TOR1AIP2: variants seen among roughly 807,000 people sequenced by gnomAD.
TOR1AIP2 encodes torsin-1A-interacting protein 2.
Under a neutral mutation model 32.6 loss-of-function variants are expected in TOR1AIP2, and 20 were observed. The ratio of observed to expected loss-of-function variants is 0.61; its 90% CI spans 0.43 to 0.89. TOR1AIP2 has a LOEUF of 0.89. TOR1AIP2 is among the 40% of genes least tolerant of loss of function. The pLI is 0.00. For missense variants in TOR1AIP2, 456 were observed against 553.8 expected, an observed-to-expected ratio of 0.82 and a Z score of 1.77; for synonymous variants, 214 against 210.8, an observed-to-expected ratio of 1.02 and a Z score of -0.13.
intron 2 of TOR1AIP2, among the ~76,000 whole-genome samples, chr1:179,872,631 G>A (rs1571703734): frequency 6.6e-6 from 1 of 152,280 alleles, no homozygotes; most frequent in South Asian, 2.1e-4. Flanking sequence ...AATGCCTGGC[G>A]CAGATCAAAT....
intron 5 of TOR1AIP2, among the ~76,000 whole-genome samples, chr1:179,849,298 G>A (rs960323075): frequency 2.0e-5 from 3 of 152,106 alleles, no homozygotes; most frequent in African/African-American, 7.2e-5. Context: ...CAAGGCTGGA[G>A]TGTAGTGCTG....
intron 3 of TOR1AIP2, chr1:179,864,736 C>G (rs765705309): frequency 5.3e-5 from 80 of 1,521,332 alleles, no homozygotes; most frequent in Middle Eastern, 2.1e-4. Context: ...CTTGGGCTAC[C>G]TACACAAAAG....
At chr1:179,862,119 GTAT>G in intron 3 of TOR1AIP2, 1 of 985,116 alleles carries the variant, frequency 1.0e-6, no homozygotes, top group Non-Finnish European at 1.2e-6. Context: ...TACTGCTTAG[GTAT>G]TGATTTGAGA....
intron 2 of TOR1AIP2, among the ~76,000 whole-genome samples, chr1:179,866,212 G>A (rs1696763405): frequency 1.3e-5 from 2 of 151,478 alleles, no homozygotes; most frequent in South Asian, 2.1e-4. Context: ...ATAATGTATG[G>A]GATAACATTA....
chr1:179,855,958 C>A (rs941714133), intron 3 of TOR1AIP2, among the ~76,000 whole-genome samples: 2 of 152,026 alleles, frequency 1.3e-5, no homozygotes, highest in East Asian at 1.9e-4. Flanking sequence ...GCAGACAGAT[C>A]GGTTGAGCTT....
rs1695888114 is a variant in TOR1AIP2 at position 179,846,031 on chromosome 1, C to T, written c.*40G>A. The T allele has an allele frequency of 1.3e-6, 2 of 1,550,918 alleles. No individual in the cohort carries two copies. The highest frequency in any genetic ancestry group is 1.7e-6 in the Non-Finnish European group (2 of 1,148,120). ...TGGAAGGTCTTTAAACAAACTTTTT[C>T]ATAAACATATACCTTCTGTAACCAA... On this transcript the variant is annotated 3_prime_UTR_variant, in exon 7 of 7. Coordinates refer to ENST00000609928, the MANE Select transcript of TOR1AIP2 (RefSeq NM_001199260.2).
At position 179,846,667 on chromosome 1, in the gene TOR1AIP2, G is replaced by A; in HGVS notation, c.817C>T (p.Leu273=). Residue 273 remains leucine, a synonymous_variant, in exon 7 of 7, where the codon CTG becomes TTG. Coordinates refer to ENST00000609928, the MANE Select transcript of TOR1AIP2 (RefSeq NM_001199260.2). ...AGAAACTTCCGTCCTCTCTGCCACA[G>A]GAAGGAACTCTGGCCTGGAAATTTA... ...EDKFPGQSSF[L]WQRGRKFLQK... 6.2e-7 allele frequency: 1 copy of A among 1,614,162 alleles called. No homozygotes were observed. Among genetic ancestry groups the A allele is most frequent in the Non-Finnish European group, 8.5e-7 (1 of 1,180,036 alleles).
Position 179,850,923 on chromosome 1 carries a change from G to A in TOR1AIP2, c.475C>T (p.Gln159Ter). Residue 159 changes from glutamine to a stop codon, truncating the protein, a stop_gained, in exon 5 of 7, where the codon CAG becomes TAG. Coordinates refer to ENST00000609928, the MANE Select transcript of TOR1AIP2 (RefSeq NM_001199260.2). LOFTEE classifies it high-confidence loss of function. ...ASQEPPTTDS[Q>*]EAQSPGHSSA... ...GAATGACCAGGACTCTGGGCCTCCT[G>A]GGAGTCTGTAGTAGGTGGTTCCTGA... 1 of 1,614,194 alleles carries A rather than the reference G, an allele frequency of 6.2e-7. No individual in the cohort carries two copies. Among genetic ancestry groups the A allele is most frequent in the Non-Finnish European group, 8.5e-7 (1 of 1,180,024 alleles).
chr1:179,875,787 A>G (rs764031177), intron 2 of TOR1AIP2: 6 of 152,186 alleles, frequency 3.9e-5, no homozygotes, highest in Non-Finnish European at 7.3e-5. Context: ...GTAACAAAAT[A>G]GGAATTCAAA....
intron 3 of TOR1AIP2, chr1:179,859,465 C>G (rs1291967117): frequency 6.1e-6 from 6 of 985,416 alleles, no homozygotes; most frequent in Non-Finnish European, 7.2e-6. Flanking sequence ...CACAAGCACC[C>G]TGACTCTGGA....
Position 179,841,486 on chromosome 1 carries a change from C to T in TOR1AIP2, c.*4585G>A, listed in dbSNP as rs894699283. ...GTTGCTATTTGAAAGTACTTCTCAA[C>T]TAGCCGGGCATGGTGGCATAATTCC... On this transcript the variant is annotated 3_prime_UTR_variant, in exon 7 of 7. Coordinates refer to ENST00000609928, the MANE Select transcript of TOR1AIP2 (RefSeq NM_001199260.2). 2.0e-5 allele frequency: 3 copies of T among 152,244 alleles called. No individual in the cohort carries two copies. Among genetic ancestry groups the T allele is most frequent in the African/African-American group, 7.2e-5 (3 of 41,464 alleles). The allele number at this position is 152,244 out of a possible 1,614,324, so 9.4% of individuals were successfully genotyped here.
At chr1:179,851,398 A>G (rs774150227) in intron 4 of TOR1AIP2, 35 bp from the exon 5 acceptor site, 9 of 1,428,586 alleles carry the variant, frequency 6.3e-6, no homozygotes, top group Non-Finnish European at 7.4e-6. Context: ...TTTATTGGAA[A>G]AAATTCCCCA....
In TOR1AIP2 at chr1:179,846,084, C is replaced by G; in HGVS notation, c.1400G>C (p.Gly467Ala). The change falls in exon 7 of 7, where the codon GGG becomes GCG. Residue 467 changes from glycine to alanine, a missense_variant. Physicochemically the swap from Gly to Ala is moderately conservative, Grantham distance 60. Coordinates refer to ENST00000609928, the MANE Select transcript of TOR1AIP2 (RefSeq NM_001199260.2). ...VQPVSSIEEQ[G>A]CLF is the part of the protein sequence containing the mutation. ...CTGTGCTTAGCTTTAGAAAAGGCAC[C>G]CCTGTTCTTCTATGCTACTCACTGG... is the stretch of plus-strand genomic sequence containing the variant. 6.2e-7 allele frequency: 1 copy of G among 1,613,374 alleles called. No individual in the cohort carries two copies. Among genetic ancestry groups the G allele is most frequent in the Non-Finnish European group, 8.5e-7 (1 of 1,179,486 alleles).
At chr1:179,872,585 T>C (rs1424341398) in intron 2 of TOR1AIP2, among the ~76,000 whole-genome samples, 3 of 152,272 alleles carry the variant, frequency 2.0e-5, no homozygotes, top group African/African-American at 4.8e-5. Flanking sequence ...AAAAGCACTC[T>C]ACTTCCTTAG....
chr1:179,864,099 A>T, intron 3 of TOR1AIP2: 5 of 985,446 alleles, frequency 5.1e-6, no homozygotes, highest in Non-Finnish European at 6.0e-6. Context: ...AAGCCACGTA[A>T]GTATGGACAG....
chr1:179,877,174 C>T (rs1021507790), intron 2 of TOR1AIP2, 65 bp downstream of exon 2: 3 of 152,080 alleles, frequency 2.0e-5, no homozygotes, highest in Admixed American at 2.0e-4. Flanking sequence ...CACATCTTAA[C>T]CCATTTAATA....
At chr1:179,846,928 TACTAGGAGC>T (rs1354129506) in intron 6 of TOR1AIP2, 100 bp from the exon 7 acceptor site, 11 of 1,298,564 alleles carry the variant, frequency 8.5e-6, no homozygotes, top group Non-Finnish European at 1.1e-5. Flanking sequence ...CAGCAGGTTT[TACTAGGAGC>T]AATAAGTTTC....
Position 179,843,528 on chromosome 1 carries a change from A to C in TOR1AIP2, c.*2543T>G, listed in dbSNP as rs1258513394. 2 of 152,314 alleles carry C rather than the reference A, an allele frequency of 1.3e-5. No homozygotes were observed. The highest frequency in any genetic ancestry group is 4.9e-5 in the African/African-American group (2 of 41,180). 9.4% of individuals were successfully genotyped at this position (152,314 alleles called of 1,614,324 possible). A position where few individuals can be genotyped will look rare whatever the true frequency, so the allele number is the denominator to read the frequency against. On this transcript the variant is annotated 3_prime_UTR_variant, in exon 7 of 7. Coordinates refer to ENST00000609928, the MANE Select transcript of TOR1AIP2 (RefSeq NM_001199260.2). ...CTTCTCTCAAAAAAAAAAAAAAAAA[A>C]AAAAGAAGTTTGGTTGGGTGCATTG... is the stretch of plus-strand genomic sequence containing the variant.
At position 179,846,549 on chromosome 1, in the gene TOR1AIP2, C is replaced by T. The variant is rs774421838; in HGVS notation, c.935G>A (p.Ser312Asn). ...REGRETLKCL[S>N]HHVADAYTSS... The stretch of plus-strand genomic sequence containing the variant: ...GGTGTAGGCATCTGCAACATGGTGG[C>T]TCAGGCACTTCAGGGTCTCTCTTCC... The change falls in exon 7 of 7, where the codon AGC becomes AAC. Residue 312 changes from serine (S) to asparagine (N), a missense_variant. Transcript: ENST00000609928. 1.9e-6 allele frequency: 3 copies of T among 1,614,168 alleles called. No homozygotes were observed. The Admixed American group carries it at 5.0e-5, about 27-fold the overall frequency.
Sources: allele counts gnomAD v4.1 joint callset (sites outside exome capture counted in the v4.1 genomes callset), GRCh38; gene constraint gnomAD v4.1.1; transcripts MANE v1.5; gene names NCBI Gene and HGNC (gene_info 2026-07-23, HGNC 2026-07-21).